Variants in ADRA1A observed in about 807,000 individuals in gnomAD.
The protein encoded by ADRA1A is adrenoceptor alpha 1A, also known as alpha-1A adrenergic receptor.
A neutral mutation model predicts 29.6 loss-of-function variants in ADRA1A; 31 were observed. The observed-to-expected ratio is 1.05, with a 90% CI of 0.79 to 1.41. The LOEUF is 1.41. ADRA1A is among the 40% of genes most tolerant of loss of function. ADRA1A has a pLI of 0.00. For synonymous variants in ADRA1A, 311 were observed against 254.3 expected (o/e 1.22, Z -2.12); for missense variants, 619 against 601.1 (o/e 1.03, Z -0.31).
At chr8:26,748,308 G>A (rs1460034495) in exon 3 of ADRA1A, 1 of 161,860 alleles carries the variant, frequency 6.2e-6, no homozygotes, top group Non-Finnish European at 1.3e-5. Flanking sequence ...GTGTGTTGGG[G>A]GGGTGGTTCT....
chr8:26,786,810 A>G (rs550600926), intron 2 of ADRA1A, among the ~76,000 whole-genome samples: 62 of 152,130 alleles, frequency 4.1e-4, no homozygotes, highest in African/African-American at 1.4e-3. Context: ...AGCTCAAGCA[A>G]TTGTTCTTAT....
Position 26,776,423 on chromosome 8 carries a change from T to C in ADRA1A, c.884-5757A>G, listed in dbSNP as rs140790377. On this transcript the variant is annotated intron_variant, in intron 2 of 2. Coordinates refer to ENST00000380573, the MANE Select transcript of ADRA1A (RefSeq NM_000680.4). ...GACACTGGGCTATGGTAAACCCTAC[T>C]TAGCTGGAGTTGCATAAGGCTAAAA... is the stretch of plus-strand genomic sequence containing the variant. 2.8e-3 allele frequency among the ~76,000 whole-genome samples: 425 copies of C among 152,336 alleles called. 8 individuals carry two copies. The highest frequency in any genetic ancestry group is 0.023 in the Admixed American group (354 of 15,306).
At position 26,788,853 on chromosome 8, in the gene ADRA1A, C is replaced by A. The variant is rs140937757; in HGVS notation, c.884-18187G>T. 1.4e-3 allele frequency among the ~76,000 whole-genome samples: 217 copies of A among 152,208 alleles called. 6 individuals carry two copies. The East Asian group carries it at 0.036, about 25-fold the overall frequency. On this transcript the variant is annotated intron_variant, in intron 2 of 2. Coordinates refer to ENST00000380573, the MANE Select transcript of ADRA1A (RefSeq NM_000680.4). ...TGCTGTGTGCTTATTGCCAAATTTT[C>A]ACTGGCAAAATCAGATCCTGATTTA...
At chr8:26,774,950 G>A (rs551011031) in intron 2 of ADRA1A, among the ~76,000 whole-genome samples, 1 of 152,304 alleles carries the variant, frequency 6.6e-6, no homozygotes, top group East Asian at 1.9e-4. Context: ...TATGTTTTTA[G>A]GGTGGGAAGA....
chr8:26,810,946 G>T (rs1436842516), intron 2 of ADRA1A, among the ~76,000 whole-genome samples: 1 of 152,136 alleles, frequency 6.6e-6, no homozygotes, highest in African/African-American at 2.4e-5. Context: ...TGACTTTTTA[G>T]TCTTTCATCA....
At position 26,867,250 on chromosome 8, in the gene ADRA1A, G is replaced by A; in HGVS notation, c.-1001C>T. 1.0e-6 allele frequency: 1 copy of A among 985,436 alleles called. No homozygotes were observed. The highest frequency in any genetic ancestry group is 1.2e-6 in the Non-Finnish European group (1 of 829,958). 61.0% of individuals were successfully genotyped at this position (985,436 alleles called of 1,614,324 possible). On this transcript the variant is annotated 5_prime_UTR_variant, in exon 1 of 3. Transcript: ENST00000380573. ...CCCGACACCAGAAAAGAATAGCAAG[G>A]AACTTTGCAGCTCTCGCTGACGTAA...
At chr8:26,847,233 A>T (rs984806241) in intron 2 of ADRA1A, among the ~76,000 whole-genome samples, 3 of 152,140 alleles carry the variant, frequency 2.0e-5, no homozygotes, top group Admixed American at 1.3e-4. Flanking sequence ...AATAAATAAA[A>T]AAAAGAAACA....
rs1272434291 is a variant in ADRA1A, at chr8:26,811,953, A to G, written c.884-41287T>C. ...AGTAGGAATATAACACAATTTATTTACCTATTCCACAGGTGATGGGCACTG... is the reference window on the plus strand; with the variant it reads ...AGTAGGAATATAACACAATTTATTTGCCTATTCCACAGGTGATGGGCACTG... On this transcript the variant is annotated intron_variant, in intron 2 of 2. Transcript: ENST00000380573. Among the ~76,000 whole-genome samples the G allele has an allele frequency of 4.6e-5, 7 of 152,226 alleles. No homozygotes were observed. The South Asian group carries it at 1.2e-3, about 27-fold the overall frequency.
chr8:26,845,256 C>T (rs1812115155), intron 2 of ADRA1A, among the ~76,000 whole-genome samples: 1 of 152,094 alleles, frequency 6.6e-6, no homozygotes, highest in Non-Finnish European at 1.5e-5. Flanking sequence ...AGACAAATAA[C>T]CCAATTAAAA....
At chr8:26,790,843 C>T (rs928066241) in intron 2 of ADRA1A, among the ~76,000 whole-genome samples, 3 of 152,112 alleles carry the variant, frequency 2.0e-5, no homozygotes, top group African/African-American at 7.2e-5. Context: ...TATATTCAGG[C>T]ACCAAAACAG....
chr8:26,862,636 GTAA>G, intron 2 of ADRA1A, among the ~76,000 whole-genome samples: 1 of 152,310 alleles, frequency 6.6e-6, no homozygotes, highest in East Asian at 1.9e-4. Flanking sequence ...AGCAGAGTAA[GTAA>G]TAATGATGGG....
At chr8:26,858,190 C>A (rs1050824203) in intron 2 of ADRA1A, among the ~76,000 whole-genome samples, 2 of 152,228 alleles carry the variant, frequency 1.3e-5, no homozygotes, top group African/African-American at 4.8e-5. Flanking sequence ...CAGCCCAATG[C>A]TGCCTCCTTT....
rs1805203784 is a variant in ADRA1A, at chr8:26,756,969, C to T, written c.1270-190G>A. The T allele has an allele frequency of 4.8e-6, 4 of 831,524 alleles. No homozygotes were observed. In the East Asian group the frequency reaches 1.1e-4, roughly 22 times the overall value. The allele number at this position is 831,524 out of a possible 1,614,324, so 51.5% of individuals were successfully genotyped here. Reference sequence around the variant, plus strand: ...CTCAAGTTGAGGATCCCTCTCATTTCCTCATTAGCCAGGCTGGTCACATTC... The same window carrying T: ...CTCAAGTTGAGGATCCCTCTCATTTTCTCATTAGCCAGGCTGGTCACATTC... On this transcript the variant is annotated intron_variant, in intron 2 of 2. Transcript: ENST00000380582.
chr8:26,756,379 G>A (rs61759707), downstream of ADRA1A: 241 of 1,228,684 alleles, frequency 2.0e-4, 1 homozygote, highest in African/African-American at 3.5e-3. Flanking sequence ...AAGAAACTGG[G>A]GTGCCTTATG....
At chr8:26,859,312 C>G in intron 2 of ADRA1A, 1 of 681,676 alleles carries the variant, frequency 1.5e-6, no homozygotes, top group Non-Finnish European at 2.1e-6. Context: ...CGTTGACGAC[C>G]CAGCAGAAGT....
chr8:26,819,178 T>A (rs1224764963), intron 2 of ADRA1A, among the ~76,000 whole-genome samples: 1 of 152,026 alleles, frequency 6.6e-6, no homozygotes, highest in Non-Finnish European at 1.5e-5. Context: ...ATATTAAAAA[T>A]GCTGAAAGAA....
exon 3 of ADRA1A, chr8:26,748,440 T>TA (rs34923219): frequency 0.026 from 4,488 of 171,016 alleles, 122 homozygotes; most frequent in African/African-American, 0.076. Context: ...TTAAAAAAGA[T>TA]AAAAAAAAAA....
rs959218063 is a variant in ADRA1A, at chr8:26,823,598, G to A, written c.883+40489C>T. Among the ~76,000 whole-genome samples, 2 of 152,112 alleles carry A rather than the reference G, an allele frequency of 1.3e-5. No homozygotes were observed. The highest frequency in any genetic ancestry group is 2.9e-5 in the Non-Finnish European group (2 of 68,028). On this transcript the variant is annotated intron_variant, in intron 2 of 2. Coordinates refer to ENST00000380573, the MANE Select transcript of ADRA1A (RefSeq NM_000680.4). This position sits in a 1 kb window ranked among gnomAD's most constrained non-coding sequence, Gnocchi z 4.2. Reference sequence around the variant, plus strand: ...GCTGGGCTAAGGATCAGGCTGCTTGGGCTATCAACATATTTGTGTCACCAC... The same window carrying A: ...GCTGGGCTAAGGATCAGGCTGCTTGAGCTATCAACATATTTGTGTCACCAC...
chr8:26,865,266 C>T lies in ADRA1A; in HGVS notation c.-297G>A, dbSNP rs963162609. On this transcript the variant is annotated 5_prime_UTR_variant, in exon 2 of 3. Coordinates refer to ENST00000380573, the MANE Select transcript of ADRA1A (RefSeq NM_000680.4). This position sits in a 1 kb window ranked among gnomAD's most constrained non-coding sequence, Gnocchi z 7.6. ...GCCTAGCCCGGGACCCGGACTCCCT[C>T]CCTACCCGAAGCTGGGTGCGAAGAT... 4.8e-6 allele frequency: 6 copies of T among 1,263,114 alleles called. No individual in the cohort carries two copies. Among genetic ancestry groups the T allele is most frequent in the African/African-American group, 3.0e-5 (2 of 65,864 alleles). 78.2% of individuals were successfully genotyped at this position (1,263,114 alleles called of 1,614,324 possible).
Sources: gnomAD v4.1 joint callset for allele counts (sites outside exome capture counted in the v4.1 genomes callset) on GRCh38, gnomAD v4.1.1 for gene constraint, Gnocchi (gnomAD v3.1) non-coding constraint, MANE v1.5 for transcripts, NCBI Gene and HGNC (gene_info 2026-07-23, HGNC 2026-07-21) for gene names.